NCOR2: variants seen among roughly 807,000 people sequenced by gnomAD.
The protein encoded by NCOR2 is CTG repeat protein 26.
In NCOR2, 81 loss-of-function variants were observed where a neutral mutation model predicts 262.9. The ratio of observed to expected loss-of-function variants is 0.31; its 90% confidence interval spans 0.26 to 0.37. The LOEUF is 0.37. NCOR2 is among the 10% of genes least tolerant of loss of function. NCOR2 has a pLI of 1.00. For missense variants in NCOR2, 3,385 were observed against 3,621.4 expected (o/e 0.93, Z 1.68); for synonymous variants, 1,659 against 1,559.3 (o/e 1.06, Z -1.51).
chr12:124,514,970 G>C (rs933339200), intron 1 of NCOR2, among the ~76,000 whole-genome samples: 2 of 151,732 alleles, frequency 1.3e-5, no homozygotes, highest in Admixed American at 1.3e-4. Context: ...CCTAAGCTAC[G>C]ACCCATGCCC....
At chr12:124,558,827 C>T (rs1292043555) in intron 1 of NCOR2, among the ~76,000 whole-genome samples, 2 of 152,176 alleles carry the variant, frequency 1.3e-5, no homozygotes, top group South Asian at 2.1e-4. Flanking sequence ...CTTCACTTCA[C>T]AGCCTGTGAG....
rs533934450 is a variant in NCOR2, at chr12:124,526,023, A to G, written c.-118+9542T>C. Reference sequence around the variant, plus strand: ...ACAGCACTGAGGCAAGAAAAGGATCAGGAAATGTTAGCTTTTATGGTAAAT... The same window carrying G: ...ACAGCACTGAGGCAAGAAAAGGATCGGGAAATGTTAGCTTTTATGGTAAAT... On this transcript the variant is annotated intron_variant, in intron 1 of 46. Coordinates refer to the NCOR2 transcript ENST00000404621. Among the ~76,000 whole-genome samples the G allele has an allele frequency of 3.9e-5, 6 of 152,326 alleles. No individual in the cohort carries two copies. In the East Asian group the frequency reaches 5.8e-4, roughly 15 times the overall value.
rs748982781 is a variant in NCOR2 at position 124,378,392 on chromosome 12, A to T, written c.2020-8T>A. On this transcript the variant is annotated splice_polypyrimidine_tract_variant and splice_region_variant and intron_variant, in intron 17 of 46. Transcript: ENST00000405201. The surrounding 1 kb of genome is among the most constrained non-coding windows in gnomAD (Gnocchi z 4.2). ...CGCGTTCCTCTCCTTCTCCTGGGGC[A>T]CAGGGAAGCAGCAGATCAGGACTGG... 11 of 1,608,362 alleles carry T rather than the reference A, an allele frequency of 6.8e-6. No individual in the cohort carries two copies. The highest frequency in any genetic ancestry group is 7.6e-6 in the Non-Finnish European group (9 of 1,178,198).
At chr12:124,368,535 C>A (rs2039221844) in intron 20 of NCOR2, among the ~76,000 whole-genome samples, 1 of 152,214 alleles carries the variant, frequency 6.6e-6, no homozygotes, top group African/African-American at 2.4e-5. Flanking sequence ...ACCTCTCTGA[C>A]CTCTCCGCCC....
chr12:124,537,261 C>T (rs837461), upstream of NCOR2, among the ~76,000 whole-genome samples: 50,803 of 152,138 alleles, frequency 0.33, 8,668 homozygotes, highest in Non-Finnish European at 0.36. Flanking sequence ...CATTCTTTAT[C>T]GTGTTAACTT....
rs1199225454 is a variant in NCOR2, at chr12:124,564,650, A to G, written c.-165+2658T>C. Among the ~76,000 whole-genome samples the G allele has an allele frequency of 2.6e-5, 4 of 151,726 alleles. No homozygotes were observed. In the South Asian group the frequency reaches 8.3e-4, roughly 32 times the overall value. On this transcript the variant is annotated intron_variant, in intron 1 of 32. Coordinates refer to the NCOR2 transcript ENST00000458234. ...CCTTAAAATCTCCCTTCCCACAGAC[A>G]GGACCCCAGGAGAACCCTCCGGCTG... is the stretch of plus-strand genomic sequence containing the variant.
intron 20 of NCOR2, among the ~76,000 whole-genome samples, chr12:124,371,699 C>A (rs1173380943): frequency 6.6e-6 from 1 of 152,214 alleles, no homozygotes; most frequent in African/African-American, 2.4e-5. Context: ...AGCCACCTGG[C>A]TCGAACTACC....
At chr12:124,367,318 G>A (rs1288869304) in intron 20 of NCOR2, among the ~76,000 whole-genome samples, 1 of 152,216 alleles carries the variant, frequency 6.6e-6, no homozygotes, top group East Asian at 1.9e-4. Context: ...CCCAGAGCAA[G>A]TGGGGACTGT....
At chr12:124,339,901 A>ACCT in intron 37 of NCOR2, 105 bp downstream of exon 39, 11 of 186,846 alleles carry the variant, frequency 5.9e-5, no homozygotes, top group Non-Finnish European at 1.0e-4. Context: ...CTGCCCACCC[A>ACCT]CCCACCTCCC....
intron 31 of NCOR2, 43 bp downstream of exon 33, chr12:124,346,521 C>T (rs2272370): frequency 1.6e-5 from 23 of 1,461,248 alleles, no homozygotes; most frequent in Non-Finnish European, 2.0e-5. Context: ...GCCACCGCCA[C>T]CCCTCCTAGA....
At chr12:124,390,898 G>A (rs1199223980) in intron 16 of NCOR2, among the ~76,000 whole-genome samples, 1 of 152,266 alleles carries the variant, frequency 6.6e-6, no homozygotes, top group Non-Finnish European at 1.5e-5. Context: ...AGTCCAGCCA[G>A]GAGGTCTGAG....
intron 1 of NCOR2, among the ~76,000 whole-genome samples, chr12:124,564,778 GCC>G (rs930469563): frequency 8.4e-4 from 128 of 152,180 alleles, no homozygotes; most frequent in African/African-American, 3.0e-3. Flanking sequence ...CTATGAATGC[GCC>G]CCCTCTCAGC....
intron 15 of NCOR2, among the ~76,000 whole-genome samples, chr12:124,398,887 A>G (rs2041840389): frequency 6.6e-6 from 1 of 152,166 alleles, no homozygotes; most frequent in Non-Finnish European, 1.5e-5. Context: ...AAGGGACACA[A>G]CCTGGCCTTG....
rs188807451 is a variant in NCOR2, at chr12:124,520,782, G to A, written c.-118+14783C>T. On this transcript the variant is annotated intron_variant, in intron 1 of 46. Transcript: ENST00000404621. ...CCCCATCACGCAAGCCTTCGACGGC[G>A]ACCACCCCTCCATACTTCGAAAAAG... Among the ~76,000 whole-genome samples the A allele has an allele frequency of 1.9e-3, 295 of 152,200 alleles. 2 individuals are homozygous for A. The highest frequency in any genetic ancestry group is 6.7e-3 in the African/African-American group (278 of 41,538).
chr12:124,348,005 C>G, intron 29 of NCOR2, 94 bp from the exon 32 acceptor site: 1 of 1,463,538 alleles, frequency 6.8e-7, no homozygotes. Context: ...CAGTGGTCAT[C>G]CCCACGATGA....
At chr12:124,350,519 G>T (rs1037748567) in intron 28 of NCOR2, 68 bp downstream of exon 30, 24 of 1,557,940 alleles carry the variant, frequency 1.5e-5, no homozygotes, top group Non-Finnish European at 2.0e-5. Flanking sequence ...GCCTCCCTGT[G>T]AAGCTACCTC....
chr12:124,459,389 C>A (rs1011876111), intron 5 of NCOR2, among the ~76,000 whole-genome samples: 1 of 152,144 alleles, frequency 6.6e-6, no homozygotes, highest in Admixed American at 6.5e-5. Context: ...ATCCCCTGCT[C>A]CCAGTGTTGG....
chr12:124,367,535 C>A (rs1246892540), intron 20 of NCOR2, among the ~76,000 whole-genome samples: 3 of 152,194 alleles, frequency 2.0e-5, no homozygotes, highest in Admixed American at 1.3e-4. Context: ...ATCTGACCGC[C>A]CCTTGTCCCG....
chr12:124,402,192 G>A (rs990047258), intron 14 of NCOR2, among the ~76,000 whole-genome samples: 3 of 152,208 alleles, frequency 2.0e-5, no homozygotes, highest in African/African-American at 4.8e-5. Context: ...AAGCGAGGGC[G>A]GAGGAGAGGG....
Sources: gnomAD v4.1 joint callset for allele counts (sites outside exome capture counted in the v4.1 genomes callset) on GRCh38, gnomAD v4.1.1 for gene constraint, Gnocchi (gnomAD v3.1) non-coding constraint, MANE v1.5 for transcripts, NCBI Gene and HGNC (gene_info 2026-07-23, HGNC 2026-07-21) for gene names.